Variants in ZDHHC21 observed in about 807,000 individuals in gnomAD.
ZDHHC21 encodes zDHHC palmitoyltransferase 21.
A neutral mutation model predicts 34.6 loss-of-function variants in ZDHHC21; 15 were observed. The ratio of observed to expected loss-of-function variants is 0.43; its 90% CI spans 0.29 to 0.67. ZDHHC21 has a LOEUF of 0.67. ZDHHC21 is among the 30% of genes least tolerant of loss of function. The pLI is 0.14. For missense variants in ZDHHC21, 344 were observed against 327.7 expected, an observed-to-expected ratio of 1.05 and a Z score of -0.38; for synonymous variants, 142 against 101.8, an observed-to-expected ratio of 1.40 and a Z score of -2.38.
At chr9:14,673,236 T>G (rs1216648963) in intron 4 of ZDHHC21, among the ~76,000 whole-genome samples, 1 of 151,902 alleles carries the variant, frequency 6.6e-6, no homozygotes, top group Non-Finnish European at 1.5e-5. Context: ...ATGAATAGGC[T>G]CCCGTTTAAT....
chr9:14,631,417 T>A (rs1354803639), intron 8 of ZDHHC21, among the ~76,000 whole-genome samples: 1 of 152,222 alleles, frequency 6.6e-6, no homozygotes, highest in Non-Finnish European at 1.5e-5. Context: ...TTGTGGCTTG[T>A]GTGATCTTCT....
intron 8 of ZDHHC21, among the ~76,000 whole-genome samples, chr9:14,634,407 G>C (rs1827910958): frequency 6.6e-6 from 1 of 152,164 alleles, no homozygotes. Flanking sequence ...ATTGGTCTGT[G>C]TGGACCTGCT....
At chr9:14,589,742 T>A in the ZDHHC21 span, 4 of 152,236 alleles carry the variant, frequency 2.6e-5, no homozygotes, top group African/African-American at 9.6e-5. Flanking sequence ...CTAGGTTTTA[T>A]TATACTTGAA....
At chr9:14,691,384 C>T (rs1258088702) in intron 1 of ZDHHC21, among the ~76,000 whole-genome samples, 1 of 152,180 alleles carries the variant, frequency 6.6e-6, no homozygotes, top group East Asian at 1.9e-4. Context: ...ATTTGAGTTA[C>T]GGTCTTTTTC....
chr9:14,625,228 T>A (rs890007699), intron 8 of ZDHHC21, among the ~76,000 whole-genome samples: 5 of 152,062 alleles, frequency 3.3e-5, no homozygotes, highest in Non-Finnish European at 7.4e-5. Flanking sequence ...TTGTTTTCAA[T>A]CAAAAGAGGG....
chr9:14,690,053 G>A (rs1838941448), intron 2 of ZDHHC21, among the ~76,000 whole-genome samples: 1 of 152,080 alleles, frequency 6.6e-6, no homozygotes, highest in African/African-American at 2.4e-5. Context: ...TAGGGACAGG[G>A]ATTTAAAAAG....
intron 1 of ZDHHC21, among the ~76,000 whole-genome samples, chr9:14,692,422 A>G (rs1839290707): frequency 6.6e-6 from 1 of 152,162 alleles, no homozygotes; most frequent in Non-Finnish European, 1.5e-5. Context: ...AATATAATTT[A>G]TGACCCGCCC....
At position 14,617,372 on chromosome 9, in the gene ZDHHC21, G is replaced by A. The variant is rs1436377646; in HGVS notation, c.*1594C>T. On this transcript the variant is annotated 3_prime_UTR_variant, in exon 10 of 10. Transcript: ENST00000380916. ...TGAAAAACATGATATTAACATCTCT[G>A]AGAAGAACTTACTCTATTATTTCAG... 1 of 151,904 alleles carries A rather than the reference G, an allele frequency of 6.6e-6. No individual in the cohort carries two copies. 9.4% of individuals were successfully genotyped at this position (151,904 alleles called of 1,614,324 possible).
intron 3 of ZDHHC21, among the ~76,000 whole-genome samples, chr9:14,676,108 T>C (rs1288771653): frequency 2.0e-5 from 3 of 151,996 alleles, no homozygotes; most frequent in Non-Finnish European, 1.5e-5. Context: ...ATGTGTACCG[T>C]GAATAAATTA....
At position 14,639,070 on chromosome 9, in the gene ZDHHC21, A is replaced by G. The variant is rs186492723; in HGVS notation, c.621+826T>C. Among the ~76,000 whole-genome samples the G allele has an allele frequency of 7.9e-5, 12 of 152,268 alleles. No individual in the cohort carries two copies. In the East Asian group the frequency reaches 2.3e-3, roughly 29 times the overall value. ...ATGCCTGCACTTGCACGTTTATCAC[A>G]GCACTATTCACAAGAGCAAGGATAG... is the stretch of plus-strand genomic sequence containing the variant. On this transcript the variant is annotated intron_variant, in intron 8 of 9. Transcript: ENST00000380916.
At chr9:14,688,430 C>T (rs1159004238) in intron 2 of ZDHHC21, among the ~76,000 whole-genome samples, 2 of 150,786 alleles carry the variant, frequency 1.3e-5, no homozygotes, top group Non-Finnish European at 2.9e-5. Flanking sequence ...AGTAATGAAA[C>T]AGTTTAACAA....
chr9:14,597,821 T>C, the ZDHHC21 span, among the ~76,000 whole-genome samples: 1 of 151,978 alleles, frequency 6.6e-6, no homozygotes, highest in Non-Finnish European at 1.5e-5. Flanking sequence ...GTGCCTACCT[T>C]CTGGGGGTCT....
At chr9:14,604,510 G>A in the ZDHHC21 span, among the ~76,000 whole-genome samples, 1,059 of 152,072 alleles carry the variant, frequency 7.0e-3, 17 homozygotes, top group African/African-American at 0.024. Flanking sequence ...TTAGGATGGC[G>A]GCTACCTCTA....
rs1824737956 is a variant in ZDHHC21 at position 14,618,914 on chromosome 9, C to T, written c.*52G>A. 11 of 1,516,718 alleles carry T rather than the reference C, an allele frequency of 7.3e-6. No homozygotes were observed. Among genetic ancestry groups the T allele is most frequent in the East Asian group, 2.4e-5 (1 of 42,280 alleles). The allele number at this position is 1,516,718 out of a possible 1,614,324, so 94.0% of individuals were successfully genotyped here. A position where few individuals can be genotyped will look rare whatever the true frequency, so the allele number is the denominator to read the frequency against. On this transcript the variant is annotated 3_prime_UTR_variant, in exon 10 of 10. Transcript: ENST00000380916. ...TGTCATAGTTCTATTATCATAAAAC[C>T]TGTAACGCATTGCCAGCATGGAGGA...
intron 7 of ZDHHC21, among the ~76,000 whole-genome samples, chr9:14,645,774 G>A (rs1002679224): frequency 4.6e-5 from 7 of 152,098 alleles, no homozygotes; most frequent in African/African-American, 1.7e-4. Flanking sequence ...GGCACACTTT[G>A]CCAAATAGGC....
chr9:14,609,405 T>A (rs889434106), downstream of ZDHHC21, among the ~76,000 whole-genome samples: 9 of 152,126 alleles, frequency 5.9e-5, no homozygotes, highest in Non-Finnish European at 1.5e-5. Flanking sequence ...TTTTTCAGAC[T>A]TGGGTATTTG....
chr9:14,645,669 A>T (rs1408119661), intron 7 of ZDHHC21, among the ~76,000 whole-genome samples: 1 of 152,144 alleles, frequency 6.6e-6, no homozygotes, highest in Non-Finnish European at 1.5e-5. Context: ...TAAACCAAAG[A>T]GTGGAAGATG....
chr9:14,685,373 C>T (rs1838143955), intron 2 of ZDHHC21, among the ~76,000 whole-genome samples: 3 of 151,336 alleles, frequency 2.0e-5, no homozygotes, highest in Admixed American at 2.0e-4. Context: ...AACAAACAAC[C>T]CCATCAAAAA....
chr9:14,605,142 C>T, the ZDHHC21 span, among the ~76,000 whole-genome samples: 2 of 151,764 alleles, frequency 1.3e-5, no homozygotes, highest in Admixed American at 6.6e-5. Context: ...CATCTCTTGG[C>T]TATTATGAAT....
Sources: allele counts gnomAD v4.1 joint callset (sites outside exome capture counted in the v4.1 genomes callset), GRCh38; gene constraint gnomAD v4.1.1; transcripts MANE v1.5; gene names NCBI Gene and HGNC (gene_info 2026-07-23, HGNC 2026-07-21).